The following NAA11 variants were observed in gnomAD, a reference collection of about 807,000 sequenced individuals.
The protein encoded by NAA11 is N-alpha-acetyltransferase 11, NatA catalytic subunit, also known as N-alpha-acetyltransferase 11.
A neutral mutation model predicts 16.1 loss-of-function variants in NAA11; 15 were observed. That is an observed-to-expected ratio of 0.93 (90% confidence interval 0.62 to 1.44). NAA11 has a LOEUF of 1.44. Among genes scored for constraint, NAA11 ranks in the 40% most tolerant of loss-of-function variants. The pLI is 0.00. For missense variants in NAA11, 298 were observed against 291.3 expected (o/e 1.02, Z -0.17); for synonymous variants, 122 against 112.4 (o/e 1.09, Z -0.54).
intron 2 of NAA11, among the ~76,000 whole-genome samples, chr4:79,289,185 T>C (rs1322694309): frequency 6.6e-6 from 1 of 152,248 alleles, no homozygotes; most frequent in African/African-American, 2.4e-5. Flanking sequence ...GAAAGGTGTC[T>C]CAGTTTATTC....
At chr4:79,239,076 T>C (rs1472089430) in intron 2 of NAA11, among the ~76,000 whole-genome samples, 2 of 152,158 alleles carry the variant, frequency 1.3e-5, no homozygotes, top group Non-Finnish European at 2.9e-5. Flanking sequence ...GAGAGAGTGA[T>C]AAATATTAAG....
rs574719340 is a variant in NAA11, at chr4:79,264,779, G to A, written c.*122+29226C>T. Among the ~76,000 whole-genome samples the A allele has an allele frequency of 5.3e-5, 8 of 152,070 alleles. No homozygotes were observed. The East Asian group carries it at 9.7e-4, about 18-fold the overall frequency. ...ATCCTTACCTTTCTCTAAATGCATC[G>A]GGTCTCAATCCTTGAAATTTTTCTA... is the stretch of plus-strand genomic sequence containing the variant. On this transcript the variant is annotated intron_variant and NMD_transcript_variant, in intron 2 of 2. Coordinates refer to the NAA11 transcript ENST00000511542.
At chr4:79,187,681 C>T in the NAA11 span, among the ~76,000 whole-genome samples, 14,228 of 152,140 alleles carry the variant, frequency 0.094, 846 homozygotes, top group African/African-American at 0.17. Flanking sequence ...ACCATTCATG[C>T]AGTTTAGCAA....
rs183315913 is a variant in NAA11, at chr4:79,261,440, G to A, written c.*122+32565C>T. Among the ~76,000 whole-genome samples the A allele has an allele frequency of 2.7e-3, 416 of 152,222 alleles. 3 individuals carry two copies. The highest frequency in any genetic ancestry group is 0.01 in the Admixed American group (156 of 15,294). On this transcript the variant is annotated intron_variant and NMD_transcript_variant, in intron 2 of 2. Coordinates refer to the NAA11 transcript ENST00000511542. ...CCAAGTCAACTATATAAAGAATAGG[G>A]TCTAAGAATCAGTGTAATAGAAAAT...
At chr4:79,241,607 CTT>C (rs1424313204) in intron 2 of NAA11, among the ~76,000 whole-genome samples, 1 of 152,150 alleles carries the variant, frequency 6.6e-6, no homozygotes, top group Non-Finnish European at 1.5e-5. Flanking sequence ...TGGAGATTAA[CTT>C]TATAACTTAG....
At chr4:79,314,641 T>TAAAAAAAAAAAAAAAAAAAAAAAAAAAA (rs375245497), downstream of NAA11, among the ~76,000 whole-genome samples, 3 of 98,064 alleles carry the variant, frequency 3.1e-5, no homozygotes, top group African/African-American at 1.2e-4. Context: ...TCCTTAAAAT[T>TAAAAAAAAAAAAAAAAAAAAAAAAAAAA]AAAAAAAAAA....
the NAA11 span, among the ~76,000 whole-genome samples, chr4:79,210,789 A>G: frequency 6.6e-6 from 1 of 152,196 alleles, no homozygotes; most frequent in Non-Finnish European, 1.5e-5. Context: ...AGAAGAAGAA[A>G]GGCTCTGGAG....
At chr4:79,276,786 T>G (rs1722659408) in intron 2 of NAA11, among the ~76,000 whole-genome samples, 1 of 152,138 alleles carries the variant, frequency 6.6e-6, no homozygotes, top group Non-Finnish European at 1.5e-5. Context: ...TCAACTCCCA[T>G]GTCTATTTAG....
At chr4:79,171,144 A>G in the NAA11 span, among the ~76,000 whole-genome samples, 1 of 152,154 alleles carries the variant, frequency 6.6e-6, no homozygotes, top group Non-Finnish European at 1.5e-5. Context: ...TGTGTTGGAA[A>G]CCTAATCCCC....
chr4:79,250,780 G>GA (rs143970943), intron 2 of NAA11, among the ~76,000 whole-genome samples: 14,726 of 151,834 alleles, frequency 0.097, 812 homozygotes, highest in East Asian at 0.14. Flanking sequence ...AAAATTACAG[G>GA]AAAAAAACAC....
intron 2 of NAA11, among the ~76,000 whole-genome samples, chr4:79,260,052 G>A (rs905449352): frequency 3.9e-5 from 6 of 152,122 alleles, no homozygotes; most frequent in African/African-American, 1.4e-4. Context: ...CTATGGGACT[G>A]GGCAAAATTC....
At chr4:79,172,696 C>G in the NAA11 span, among the ~76,000 whole-genome samples, 1 of 151,836 alleles carries the variant, frequency 6.6e-6, no homozygotes, top group Non-Finnish European at 1.5e-5. Context: ...CTGTCCATAT[C>G]CTTCGCTCTT....
the NAA11 span, among the ~76,000 whole-genome samples, chr4:79,190,916 T>C: frequency 6.6e-6 from 1 of 152,194 alleles, no homozygotes; most frequent in African/African-American, 2.4e-5. Flanking sequence ...AGTGAGAACA[T>C]GCGGTATTTG....
At chr4:79,180,931 T>G in the NAA11 span, among the ~76,000 whole-genome samples, 13 of 152,072 alleles carry the variant, frequency 8.5e-5, no homozygotes, top group Non-Finnish European at 5.9e-5. Context: ...TCCTTTGTAG[T>G]GACATGGATG....
intron 1 of NAA11, among the ~76,000 whole-genome samples, chr4:79,324,840 CATT>C (rs1724208311): frequency 6.6e-6 from 1 of 152,156 alleles, no homozygotes; most frequent in Non-Finnish European, 1.5e-5. Flanking sequence ...ATATTTCTAT[CATT>C]ATTACTAACT....
At chr4:79,222,041 C>T (rs76826860), downstream of NAA11, among the ~76,000 whole-genome samples, 101,880 of 146,114 alleles carry the variant, frequency 0.7, 38,040 homozygotes, top group East Asian at 0.89. Flanking sequence ...TGATTATTGC[C>T]ACAATTTCAG....
the NAA11 span, among the ~76,000 whole-genome samples, chr4:79,163,188 A>G: frequency 6.6e-6 from 1 of 152,198 alleles, no homozygotes; most frequent in Non-Finnish European, 1.5e-5. Context: ...AGTTGGCAGC[A>G]CAGCAGCTCT....
chr4:79,256,309 T>C (rs1230850641), intron 2 of NAA11, among the ~76,000 whole-genome samples: 1 of 152,192 alleles, frequency 6.6e-6, no homozygotes, highest in Non-Finnish European at 1.5e-5. Context: ...TTCTCCTGTA[T>C]GAAAAAAGTG....
At chr4:79,216,417 C>T in the NAA11 span, among the ~76,000 whole-genome samples, 1 of 151,992 alleles carries the variant, frequency 6.6e-6, no homozygotes, top group Non-Finnish European at 1.5e-5. Flanking sequence ...AAAGTCAATA[C>T]ATTTTGAAAG....
Sources: gnomAD v4.1 joint callset for allele counts (sites outside exome capture counted in the v4.1 genomes callset) on GRCh38, gnomAD v4.1.1 for gene constraint, MANE v1.5 for transcripts, NCBI Gene and HGNC (gene_info 2026-07-23, HGNC 2026-07-21) for gene names.